KIDINS220: variants seen among roughly 807,000 people sequenced by gnomAD.
KIDINS220 encodes kinase D-interacting substrate of 220 kDa.
Under a neutral mutation model 157.6 loss-of-function variants are expected in KIDINS220, and 63 were observed. That is an observed-to-expected ratio of 0.40 (90% confidence interval 0.33 to 0.49). The LOEUF (loss-of-function observed/expected upper bound fraction) is 0.49, where lower values mean the gene tolerates loss of function less well. Ranked by LOEUF, KIDINS220 falls within the 20% of genes least tolerant of loss-of-function variation. KIDINS220 has a pLI of 0.66. For missense variants in KIDINS220, 1,772 were observed against 2,171.2 expected, an observed-to-expected ratio of 0.82 and a Z score of 3.65; for synonymous variants, 732 against 783.6, an observed-to-expected ratio of 0.93 and a Z score of 1.10.
At chr2:8,736,782 G>A (rs1012840382) in intron 27 of KIDINS220, 86 bp downstream of exon 27, 3 of 1,376,354 alleles carry the variant, frequency 2.2e-6, no homozygotes, top group East Asian at 2.3e-5. Context: ...TGTTTGGGAA[G>A]CTATACATAA....
chr2:8,782,069 G>A (rs1291724048), intron 17 of KIDINS220, among the ~76,000 whole-genome samples: 2 of 152,012 alleles, frequency 1.3e-5, no homozygotes, highest in African/African-American at 2.4e-5. Context: ...AGCTGGGATC[G>A]CACCACTGCA....
intron 12 of KIDINS220, among the ~76,000 whole-genome samples, chr2:8,793,589 C>G (rs534327264): frequency 6.6e-5 from 10 of 152,060 alleles, no homozygotes; most frequent in Middle Eastern, 3.2e-3. Flanking sequence ...ACAAGCACAC[C>G]ACCACGCTCA....
chr2:8,819,396 C>A (rs1466150332), intron 2 of KIDINS220, among the ~76,000 whole-genome samples: 1 of 152,172 alleles, frequency 6.6e-6, no homozygotes, highest in Non-Finnish European at 1.5e-5. Context: ...GCTCCCTCAG[C>A]CCTGGAGATG....
chr2:8,835,936 T>G (rs947324618), intron 1 of KIDINS220, among the ~76,000 whole-genome samples: 1 of 151,912 alleles, frequency 6.6e-6, no homozygotes, highest in African/African-American at 2.4e-5. Context: ...TGACCCAGAC[T>G]GGAAAAATAC....
intron 1 of KIDINS220, among the ~76,000 whole-genome samples, chr2:8,830,958 C>T (rs1467192617): frequency 1.3e-5 from 2 of 152,174 alleles, no homozygotes; most frequent in Non-Finnish European, 2.9e-5. Flanking sequence ...CACCATCTCT[C>T]ACCCAGATCA....
At chr2:8,819,306 A>AT in intron 2 of KIDINS220, among the ~76,000 whole-genome samples, 2 of 152,188 alleles carry the variant, frequency 1.3e-5, no homozygotes, top group Non-Finnish European at 2.9e-5. Flanking sequence ...TTAGTTCATT[A>AT]AACTAAATAA....
At chr2:8,775,415 T>C (rs1447505037) in intron 21 of KIDINS220, among the ~76,000 whole-genome samples, 1 of 152,038 alleles carries the variant, frequency 6.6e-6, no homozygotes, top group Non-Finnish European at 1.5e-5. Flanking sequence ...CAAAGGGAGA[T>C]GAAGGCTAAC....
rs770081941 is a variant in KIDINS220 at position 8,731,351 on chromosome 2, G to A, written c.4685C>T (p.Pro1562Leu). The A allele has an allele frequency of 5.0e-6, 8 of 1,614,162 alleles. No homozygotes were observed. The highest frequency in any genetic ancestry group is 1.1e-5 in the South Asian group (1 of 91,086). Residue 1562 changes from proline to leucine, a missense_variant, in exon 30 of 30, where the codon CCG becomes CTG. Pro to Leu is a moderately conservative substitution (Grantham distance 98). Transcript: ENST00000256707. This position sits in a 1 kb window ranked among gnomAD's most constrained non-coding sequence, Gnocchi z 5.2. ...VPKSPEHSAE[P>L]IRTFIKAKEY... Reference sequence around the variant, plus strand: ...TTTGGCTTTAATGAAGGTTCTGATCGGCTCAGCACTGTGTTCTGGAGACTT... The same window carrying A: ...TTTGGCTTTAATGAAGGTTCTGATCAGCTCAGCACTGTGTTCTGGAGACTT...
At chr2:8,794,221 A>G (rs1572687443) in intron 11 of KIDINS220, 2 of 323,028 alleles carry the variant, frequency 6.2e-6, no homozygotes, top group Admixed American at 4.5e-5. Context: ...AATGAAGGTC[A>G]TTCTTTTCCC....
At chr2:8,727,177 C>G, downstream of KIDINS220, 4 of 1,156,900 alleles carry the variant, frequency 3.5e-6, no homozygotes, top group South Asian at 5.4e-5. Context: ...GCGATAGTCT[C>G]AGAGAGCCCA....
chr2:8,749,911 G>A (rs1219223737), intron 24 of KIDINS220, among the ~76,000 whole-genome samples: 1 of 152,000 alleles, frequency 6.6e-6, no homozygotes, highest in Non-Finnish European at 1.5e-5. Flanking sequence ...CTAATATTCA[G>A]ACTCTCTTGA....
intron 15 of KIDINS220, 55 bp downstream of exon 15, chr2:8,788,592 A>C: frequency 6.4e-7 from 1 of 1,558,618 alleles, no homozygotes; most frequent in Non-Finnish European, 8.8e-7. Flanking sequence ...CGAAGTGAAA[A>C]ATATTTTTTT....
intron 2 of KIDINS220, among the ~76,000 whole-genome samples, chr2:8,824,996 A>G (rs1678534253): frequency 6.6e-6 from 1 of 152,192 alleles, no homozygotes; most frequent in Non-Finnish European, 1.5e-5. Flanking sequence ...ATAGAAAGTA[A>G]AACGGTCACT....
chr2:8,764,756 A>C (rs1669237399), intron 22 of KIDINS220, among the ~76,000 whole-genome samples: 1 of 152,192 alleles, frequency 6.6e-6, no homozygotes, highest in African/African-American at 2.4e-5. Flanking sequence ...TCCCCAATTC[A>C]TGCCTTCCTC....
In KIDINS220 at chr2:8,731,657, T is replaced by C. The variant is rs1171106765; in HGVS notation, c.4379A>G (p.Tyr1460Cys). 6.2e-7 allele frequency: 1 copy of C among 1,614,234 alleles called. No homozygotes were observed. Among genetic ancestry groups the C allele is most frequent in the Admixed American group, 1.7e-5 (1 of 60,032 alleles). ...GTTGGTGGAAACCCCTGATGATGAA[T>C]AATCGATAACATCTCCCCTCTTCAT... ...FLMKRGDVID[Y>C]SSSGVSTNDA... is the part of the protein sequence containing the mutation. Residue 1460 changes from tyrosine (Y) to cysteine (C), a missense_variant, in exon 30 of 30, where the codon TAT (tyrosine) becomes TGT (cysteine). Physicochemically the swap from Tyr to Cys is radical, Grantham distance 194 (BLOSUM62 -2). This residue lies in a region of KIDINS220 where 793 missense variants were observed against 885.5 expected (regional missense o/e 0.90). Coordinates refer to ENST00000256707, the MANE Select transcript of KIDINS220 (RefSeq NM_020738.4). This position sits in a 1 kb window ranked among gnomAD's most constrained non-coding sequence, Gnocchi z 5.2.
intron 11 of KIDINS220, among the ~76,000 whole-genome samples, chr2:8,794,760 T>C (rs879867173): frequency 6.6e-6 from 1 of 152,208 alleles, no homozygotes; most frequent in Non-Finnish European, 1.5e-5. Flanking sequence ...CACAAACACC[T>C]TGACAAATTA....
intron 2 of KIDINS220, among the ~76,000 whole-genome samples, chr2:8,822,585 C>T (rs963551027): frequency 6.6e-6 from 1 of 152,122 alleles, no homozygotes; most frequent in African/African-American, 2.4e-5. Context: ...CTGGATCATG[C>T]CACTACACTC....
Position 8,806,190 on chromosome 2 carries a change from C to G in KIDINS220, c.603+81G>C, listed in dbSNP as rs979625733. 3.0e-6 allele frequency: 3 copies of G among 988,500 alleles called. No homozygotes were observed. The African/African-American group carries it at 4.9e-5, about 16-fold the overall frequency. The allele number at this position is 988,500 out of a possible 1,614,324, so 61.2% of individuals were successfully genotyped here. On this transcript the variant is annotated intron_variant, in intron 7 of 29. Coordinates refer to ENST00000256707, the MANE Select transcript of KIDINS220 (RefSeq NM_020738.4). The stretch of plus-strand genomic sequence containing the variant: ...AGAACTAGAGGGAAATTTCTCTAGG[C>G]ATACACTAAAGAAATAAATTCTCTC...
chr2:8,825,372 C>CAAAAAAAAAAAATA (rs369409976), intron 2 of KIDINS220, among the ~76,000 whole-genome samples: 4 of 108,666 alleles, frequency 3.7e-5, no homozygotes, highest in Non-Finnish European at 7.2e-5. Flanking sequence ...GACTCCGTCT[C>CAAAAAAAAAAAATA]AAAAAAAAAA....
Sources: allele counts gnomAD v4.1 joint callset (sites outside exome capture counted in the v4.1 genomes callset), GRCh38; gene constraint gnomAD v4.1.1; regional missense constraint gnomAD v4.1.1; non-coding constraint Gnocchi (gnomAD v3.1); transcripts MANE v1.5; gene names NCBI Gene and HGNC (gene_info 2026-07-23, HGNC 2026-07-21).